Variants in ENTREP2 observed in about 807,000 individuals in gnomAD.
The protein encoded by ENTREP2 is protein ENTREP2.
At chr15:29,168,061 G>A in the ENTREP2 span, among the ~76,000 whole-genome samples, 3 of 152,180 alleles carry the variant, frequency 2.0e-5, no homozygotes, top group Non-Finnish European at 4.4e-5. Context: ...TCTAAGTGAA[G>A]TAACTCAGGA....
the ENTREP2 span, among the ~76,000 whole-genome samples, chr15:29,205,643 C>T: frequency 6.6e-6 from 1 of 152,134 alleles, no homozygotes; most frequent in Non-Finnish European, 1.5e-5. Context: ...CTATTCAAAT[C>T]CTTTGCCTGT....
chr15:29,663,833 G>A, the ENTREP2 span, among the ~76,000 whole-genome samples: 2 of 152,042 alleles, frequency 1.3e-5, no homozygotes, highest in African/African-American at 4.8e-5. Flanking sequence ...TGCACGTTGT[G>A]CACATGTACC....
At chr15:29,480,006 T>C in the ENTREP2 span, among the ~76,000 whole-genome samples, 1 of 152,178 alleles carries the variant, frequency 6.6e-6, no homozygotes, top group African/African-American at 2.4e-5. Flanking sequence ...CTTGGATTTT[T>C]CAGTCTCATG....
At chr15:29,349,262 G>GACTC in the ENTREP2 span, among the ~76,000 whole-genome samples, 1 of 151,968 alleles carries the variant, frequency 6.6e-6, no homozygotes, top group Non-Finnish European at 1.5e-5. Flanking sequence ...AAAATGAGAA[G>GACTC]ACTCAGTTTT....
the ENTREP2 span, among the ~76,000 whole-genome samples, chr15:29,504,548 A>G: frequency 6.6e-6 from 1 of 152,210 alleles, no homozygotes; most frequent in East Asian, 1.9e-4. Context: ...TTGATCTGTG[A>G]TATTTTGAGA....
the ENTREP2 span, among the ~76,000 whole-genome samples, chr15:29,138,583 G>C: frequency 7.2e-5 from 11 of 151,878 alleles, no homozygotes; most frequent in Admixed American, 3.3e-4. Context: ...GCATGTGCAT[G>C]TGTCTGTGTA....
the ENTREP2 span, among the ~76,000 whole-genome samples, chr15:29,403,592 G>C: frequency 1.3e-5 from 2 of 152,152 alleles, no homozygotes; most frequent in Non-Finnish European, 2.9e-5. Context: ...GAAGCTGTCT[G>C]GTAGACAAAT....
chr15:29,269,798 G>T, the ENTREP2 span: 1 of 1,226,148 alleles, frequency 8.2e-7, no homozygotes, highest in Non-Finnish European at 1.1e-6. Context: ...GGTGCCTGGA[G>T]GCGCGCGCAG....
At chr15:29,354,709 C>T in the ENTREP2 span, among the ~76,000 whole-genome samples, 176 of 152,058 alleles carry the variant, frequency 1.2e-3, 3 homozygotes, top group Admixed American at 0.01. Flanking sequence ...GAATAGCTAG[C>T]GACCAGAAGG....
At chr15:29,657,871 T>A in the ENTREP2 span, among the ~76,000 whole-genome samples, 16 of 152,092 alleles carry the variant, frequency 1.1e-4, no homozygotes, top group African/African-American at 3.6e-4. Flanking sequence ...TATGTATATA[T>A]ACATATATAT....
At chr15:29,442,027 C>T in the ENTREP2 span, among the ~76,000 whole-genome samples, 1 of 152,204 alleles carries the variant, frequency 6.6e-6, no homozygotes, top group African/African-American at 2.4e-5. Context: ...CCTCCCAATT[C>T]CTCTCCAGCA....
At chr15:29,475,955 C>G in the ENTREP2 span, among the ~76,000 whole-genome samples, 1 of 152,288 alleles carries the variant, frequency 6.6e-6, no homozygotes, top group Non-Finnish European at 1.5e-5. Flanking sequence ...GCTCATGAGA[C>G]AAGAGCCACT....
the ENTREP2 span, among the ~76,000 whole-genome samples, chr15:29,659,287 G>A: frequency 1.8e-4 from 27 of 152,148 alleles, no homozygotes; most frequent in East Asian, 5.8e-4. Context: ...TGGCTAACAC[G>A]GTGAAACCCC....
the ENTREP2 span, among the ~76,000 whole-genome samples, chr15:29,467,433 A>C: frequency 5.9e-5 from 9 of 152,132 alleles, no homozygotes; most frequent in Non-Finnish European, 1.2e-4. Flanking sequence ...TCAGAAACTA[A>C]ATGGCTAGAA....
the ENTREP2 span, among the ~76,000 whole-genome samples, chr15:29,338,562 ACAGAGGATGTCTCTTT>A: frequency 2.6e-5 from 4 of 152,092 alleles, no homozygotes; most frequent in South Asian, 8.3e-4. Context: ...CTTGGAGGAC[ACAGAGGATGTCTCTTT>A]GTGTCGCCTC....
At chr15:29,656,766 G>A in the ENTREP2 span, among the ~76,000 whole-genome samples, 1 of 152,046 alleles carries the variant, frequency 6.6e-6, no homozygotes, top group Non-Finnish European at 1.5e-5. Context: ...AAGCAAAATG[G>A]TAAAGCCACT....
the ENTREP2 span, among the ~76,000 whole-genome samples, chr15:29,148,225 G>A: frequency 1.3e-5 from 2 of 152,158 alleles, no homozygotes; most frequent in Non-Finnish European, 2.9e-5. Flanking sequence ...TGTGGTGAAG[G>A]TTGTACAACT....
At chr15:29,182,969 C>T in the ENTREP2 span, among the ~76,000 whole-genome samples, 3 of 152,078 alleles carry the variant, frequency 2.0e-5, no homozygotes, top group Non-Finnish European at 2.9e-5. Context: ...CAAAATTAAA[C>T]CCCAGGGGGA....
the ENTREP2 span, among the ~76,000 whole-genome samples, chr15:29,368,564 A>G: frequency 6.6e-6 from 1 of 151,972 alleles, no homozygotes; most frequent in Non-Finnish European, 1.5e-5. Flanking sequence ...ATTAATGAAG[A>G]GATAGAAATT....
Sources: allele counts gnomAD v4.1 joint callset (sites outside exome capture counted in the v4.1 genomes callset), GRCh38; gene constraint gnomAD v4.1.1; transcripts MANE v1.5; gene names NCBI Gene and HGNC (gene_info 2026-07-23, HGNC 2026-07-21).